Variants in TEK observed in about 807,000 individuals in gnomAD.
The protein encoded by TEK is angiopoietin-1 receptor.
A neutral mutation model predicts 131.8 loss-of-function variants in TEK; 43 were observed. That is an observed-to-expected ratio of 0.33 (90% CI 0.26 to 0.42). The LOEUF (loss-of-function observed/expected upper bound fraction) is 0.42. TEK is among the 10% of genes least tolerant of loss of function. The pLI, the probability that TEK is intolerant of heterozygous loss-of-function variation, is 1.00. For synonymous variants in TEK, 580 were observed against 491.6 expected (o/e 1.18, Z -2.38); for missense variants, 1,162 against 1,384.4 (o/e 0.84, Z 2.55).
chr9:27,224,738 G>A (rs1826240697), intron 21 of TEK, among the ~76,000 whole-genome samples: 1 of 152,096 alleles, frequency 6.6e-6, no homozygotes, highest in African/African-American at 2.4e-5. Context: ...TTCAACGTAG[G>A]ATTGAAAGTT....
chr9:27,126,813 AG>A (rs895887351), intron 1 of TEK, among the ~76,000 whole-genome samples: 2 of 152,280 alleles, frequency 1.3e-5, no homozygotes, highest in African/African-American at 4.8e-5. Context: ...AGAGGATGGA[AG>A]GATTTTGGCT....
At chr9:27,143,691 G>C (rs866726753) in intron 1 of TEK, among the ~76,000 whole-genome samples, 1 of 152,122 alleles carries the variant, frequency 6.6e-6, no homozygotes, top group South Asian at 2.1e-4. Flanking sequence ...ATGTACACAC[G>C]CACATTGTCT....
chr9:27,138,105 G>A (rs1467733959), intron 1 of TEK, among the ~76,000 whole-genome samples: 3 of 152,234 alleles, frequency 2.0e-5, no homozygotes, highest in African/African-American at 7.2e-5. Flanking sequence ...GACCTCAGGA[G>A]TGAAGCCGCA....
chr9:27,169,716 G>C, intron 4 of TEK, 87 bp downstream of exon 4: 1 of 1,580,858 alleles, frequency 6.3e-7, no homozygotes, highest in Non-Finnish European at 8.6e-7. Context: ...ACTAACCATG[G>C]CTTCTTAAGC....
intron 1 of TEK, among the ~76,000 whole-genome samples, chr9:27,147,703 A>T (rs1822978467): frequency 6.6e-6 from 1 of 152,170 alleles, no homozygotes; most frequent in African/African-American, 2.4e-5. Flanking sequence ...CTATATACCT[A>T]AAGTTTTGTA....
At chr9:27,166,698 A>G (rs1000671389) in intron 2 of TEK, among the ~76,000 whole-genome samples, 3 of 152,162 alleles carry the variant, frequency 2.0e-5, no homozygotes, top group African/African-American at 7.2e-5. Context: ...TTTATTCACA[A>G]TCTTATGTGC....
At chr9:27,161,507 A>G (rs1486544895) in intron 2 of TEK, among the ~76,000 whole-genome samples, 2 of 152,262 alleles carry the variant, frequency 1.3e-5, no homozygotes, top group African/African-American at 4.8e-5. Context: ...GAATAATAGC[A>G]GCTTGTAAAT....
At chr9:27,166,305 A>G (rs1051617104) in intron 2 of TEK, among the ~76,000 whole-genome samples, 7 of 152,378 alleles carry the variant, frequency 4.6e-5, no homozygotes, top group Non-Finnish European at 7.3e-5. Context: ...GCAAGGGGTT[A>G]ATGAATATTC....
At chr9:27,205,115 C>G in intron 14 of TEK, 50 bp downstream of exon 14, 1 of 1,608,300 alleles carries the variant, frequency 6.2e-7, no homozygotes, top group South Asian at 1.1e-5. Context: ...CAAGTACAGG[C>G]AGAACCTTCA....
In TEK at chr9:27,202,664, C is replaced by T. The variant is rs551519; in HGVS notation, c.1910-156C>T. ...TGTCTGTGCCACTCTTTCAAGTCTG[C>T]GTGGAGTCCAGTAGCCACTACCAAT... On this transcript the variant is annotated intron_variant, in intron 12 of 22. Coordinates refer to ENST00000380036, the MANE Select transcript of TEK (RefSeq NM_000459.5). 0.21 allele frequency among the ~76,000 whole-genome samples: 32,028 copies of T among 152,162 alleles called. 3,813 individuals are homozygous for T. The highest frequency in any genetic ancestry group is 0.27 in the Non-Finnish European group (18,084 of 68,004).
In TEK at chr9:27,139,322, A is replaced by ATTTTTTTTT. The variant is rs1158698852; in HGVS notation, c.53-18494_53-18486dup. On this transcript the variant is annotated intron_variant, in intron 1 of 22. Coordinates refer to ENST00000380036, the MANE Select transcript of TEK (RefSeq NM_000459.5). ...AATTATTTGGAAGACAGCTTTAACA[A>ATTTTTTTTT]TTTTTTTTTTTTTTTTTTTTTTTGA... 1.0e-4 allele frequency among the ~76,000 whole-genome samples: 9 copies of ATTTTTTTTT among 86,926 alleles called. 1 individual carries two copies. The highest frequency in any genetic ancestry group is 1.1e-4 in the Non-Finnish European group (5 of 45,508). The allele number at this position is 86,926 out of a possible 152,430, so 57.0% of individuals were successfully genotyped here.
chr9:27,131,296 G>A (rs7852052), intron 1 of TEK, among the ~76,000 whole-genome samples: 23 of 151,450 alleles, frequency 1.5e-4, no homozygotes, highest in African/African-American at 5.3e-4. Flanking sequence ...AGCCTGGCCT[G>A]GCCAACATGG....
intron 1 of TEK, among the ~76,000 whole-genome samples, chr9:27,130,837 A>T (rs1289524698): frequency 6.6e-6 from 1 of 152,048 alleles, no homozygotes; most frequent in East Asian, 1.9e-4. Flanking sequence ...GAGTGTTGGG[A>T]TTACAGGCGT....
chr9:27,164,112 A>G (rs908437416), intron 2 of TEK, among the ~76,000 whole-genome samples: 3 of 152,132 alleles, frequency 2.0e-5, no homozygotes, highest in African/African-American at 4.8e-5. Flanking sequence ...CCAGAGCGAG[A>G]TTCCTTGGTT....
chr9:27,160,614 T>G (rs1823512212), intron 2 of TEK, among the ~76,000 whole-genome samples: 1 of 152,162 alleles, frequency 6.6e-6, no homozygotes, highest in Non-Finnish European at 1.5e-5. Flanking sequence ...CTAACTTGGG[T>G]CCAGCTGAAA....
chr9:27,224,460 C>T (rs1826224265), intron 21 of TEK, among the ~76,000 whole-genome samples: 1 of 152,018 alleles, frequency 6.6e-6, no homozygotes, highest in Non-Finnish European at 1.5e-5. Flanking sequence ...TCAACATATG[C>T]AAATCAATAA....
intron 15 of TEK, among the ~76,000 whole-genome samples, chr9:27,207,131 G>C (rs555598077): frequency 6.6e-6 from 1 of 152,202 alleles, no homozygotes; most frequent in African/African-American, 2.4e-5. Flanking sequence ...TGGAAGGCTT[G>C]TTTAAAAACA....
At chr9:27,173,071 G>A in intron 5 of TEK, 151 bp from the exon 6 acceptor site, 1 of 969,408 alleles carries the variant, frequency 1.0e-6, no homozygotes, top group Non-Finnish European at 1.6e-6. Context: ...TCAGTAAAAT[G>A]GGCCATAAGG....
At chr9:27,205,832 A>T (rs1170980013) in intron 14 of TEK, among the ~76,000 whole-genome samples, 1 of 152,180 alleles carries the variant, frequency 6.6e-6, no homozygotes, top group East Asian at 1.9e-4. Flanking sequence ...GATTCAAATG[A>T]GGTGTACCCC....
Sources: gnomAD v4.1 joint callset for allele counts (sites outside exome capture counted in the v4.1 genomes callset) on GRCh38, gnomAD v4.1.1 for gene constraint, MANE v1.5 for transcripts, NCBI Gene and HGNC (gene_info 2026-07-23, HGNC 2026-07-21) for gene names.